GREB1L: variants seen among roughly 807,000 people sequenced by gnomAD.
The protein encoded by GREB1L is GREB1-like protein.
GREB1L carries 17 observed loss-of-function variants against 200.8 expected under a neutral mutation model. The ratio of observed to expected loss-of-function variants is 0.08; its 90% CI spans 0.06 to 0.13. The LOEUF is 0.13. Ranked by LOEUF, GREB1L falls within the 10% of genes least tolerant of loss-of-function variation. The pLI is 1.00. For synonymous variants in GREB1L, 789 were observed against 893.0 expected (o/e 0.88, Z 2.08); for missense variants, 1,657 against 2,367.7 (o/e 0.70, Z 6.23).
In GREB1L at chr18:21,496,575, G is replaced by C. The variant is rs755338286; in HGVS notation, c.3268G>C (p.Val1090Leu). ...AAAAGAGGTCATCCGGGGACCCACT[G>C]TTGCCCTGGACCTCAGCGGGAAGGA... ...VSKEVIRGPT[V>L]ALDLSGKEQE... is the part of the protein sequence containing the mutation. Residue 1090 changes from valine to leucine, a missense_variant, in exon 21 of 33, where the codon GTT becomes CTT. Physicochemically the swap from Val to Leu is conservative, Grantham distance 32 (BLOSUM62 1). Transcript: ENST00000424526. 5 of 1,551,768 alleles carry C rather than the reference G, an allele frequency of 3.2e-6. No homozygotes were observed. Among genetic ancestry groups the C allele is most frequent in the Admixed American group, 2.0e-5 (1 of 51,010 alleles).
intron 1 of GREB1L, among the ~76,000 whole-genome samples, chr18:21,355,197 T>C (rs2039486046): frequency 6.6e-6 from 1 of 151,472 alleles, no homozygotes; most frequent in Non-Finnish European, 1.5e-5. Flanking sequence ...TGTTAAATTT[T>C]TTTTTTTTTT....
chr18:21,496,426 C>CA lies in GREB1L; in HGVS notation c.3147-27dup, dbSNP rs779954842. On this transcript the variant is annotated intron_variant, in intron 20 of 32. Transcript: ENST00000424526. Reference sequence around the variant, plus strand: ...CACTGCGTGCCTGGCCAGATAGACTCACCAACAACACAATTACTTTTGTTC... The same window carrying CA: ...CACTGCGTGCCTGGCCAGATAGACTCAACCAACAACACAATTACTTTTGTTC... 62 of 1,550,820 alleles carry CA rather than the reference C, an allele frequency of 4.0e-5. No homozygotes were observed. In the South Asian group the frequency reaches 6.3e-4, roughly 16 times the overall value.
chr18:21,292,495 G>A (rs997377084), intron 1 of GREB1L, among the ~76,000 whole-genome samples: 1 of 152,086 alleles, frequency 6.6e-6, no homozygotes, highest in Non-Finnish European at 1.5e-5. Flanking sequence ...AAGAAACCCC[G>A]TACTCGTTAG....
Position 21,441,598 on chromosome 18 carries a change from T to C in GREB1L, c.1207+61T>C, listed in dbSNP as rs184551320. On this transcript the variant is annotated intron_variant, in intron 10 of 32. Coordinates refer to ENST00000424526, the MANE Select transcript of GREB1L (RefSeq NM_001142966.3). ...TGGAATCTAGGAGTGTTTTTCCATT[T>C]CATTGTGTTTTTTCATGTATTCATG... 4.3e-5 allele frequency: 62 copies of C among 1,435,756 alleles called. 1 individual carries two copies. In the East Asian group the frequency reaches 1.4e-3, roughly 33 times the overall value. 88.9% of individuals were successfully genotyped at this position (1,435,756 alleles called of 1,614,324 possible).
intron 1 of GREB1L, among the ~76,000 whole-genome samples, chr18:21,307,360 G>T (rs769150982): frequency 6.6e-6 from 1 of 152,182 alleles, no homozygotes; most frequent in Non-Finnish European, 1.5e-5. Context: ...TAGAATTAAG[G>T]TTCACTGTTT....
At position 21,498,476 on chromosome 18, in the gene GREB1L, G is replaced by T. The variant is rs183931554; in HGVS notation, c.3392-1253G>T. ...TGAAGGATAGTAAAGGTTCACAGAAGGGGGGTGGGGGATAACACCTGGAAG... is the reference window on the plus strand; with the variant it reads ...TGAAGGATAGTAAAGGTTCACAGAATGGGGGTGGGGGATAACACCTGGAAG... On this transcript the variant is annotated intron_variant, in intron 21 of 32. Transcript: ENST00000424526. Among the ~76,000 whole-genome samples, 10 of 152,316 alleles carry T rather than the reference G, an allele frequency of 6.6e-5. No homozygotes were observed. The East Asian group carries it at 1.9e-3, about 29-fold the overall frequency.
chr18:21,433,883 T>C (rs899484699), intron 7 of GREB1L, among the ~76,000 whole-genome samples: 1 of 152,124 alleles, frequency 6.6e-6, no homozygotes, highest in African/African-American at 2.4e-5. Context: ...AGTCAGGGAT[T>C]TGGGGTCTCT....
intron 6 of GREB1L, chr18:21,401,784 C>G (rs1053014280): frequency 1.3e-5 from 2 of 152,316 alleles, no homozygotes; most frequent in African/African-American, 4.8e-5. Flanking sequence ...ATTAAGTTGT[C>G]CAAGTGTTAT....
intron 1 of GREB1L, among the ~76,000 whole-genome samples, chr18:21,339,332 G>A (rs908688843): frequency 6.6e-6 from 1 of 152,200 alleles, no homozygotes; most frequent in African/African-American, 2.4e-5. Context: ...GTTTTAGGCT[G>A]TCAGTCTGAC....
chr18:21,324,201 T>G (rs1415317944), intron 1 of GREB1L, among the ~76,000 whole-genome samples: 1 of 152,210 alleles, frequency 6.6e-6, no homozygotes, highest in South Asian at 2.1e-4. Flanking sequence ...ACTAATAATA[T>G]TTAATAAAAT....
intron 1 of GREB1L, among the ~76,000 whole-genome samples, chr18:21,314,854 T>A (rs2038843714): frequency 6.6e-6 from 1 of 152,166 alleles, no homozygotes; most frequent in Non-Finnish European, 1.5e-5. Context: ...GAGAGCATGG[T>A]TTACCCATCC....
chr18:21,403,356 T>C, intron 6 of GREB1L, among the ~76,000 whole-genome samples: 1 of 152,202 alleles, frequency 6.6e-6, no homozygotes, highest in Middle Eastern at 3.2e-3. Flanking sequence ...CTGAGAATAA[T>C]ATTAATTTGA....
Position 21,490,349 on chromosome 18 carries a change from A to G in GREB1L, c.3028A>G (p.Lys1010Glu), listed in dbSNP as rs1031529299. Residue 1010 changes from lysine (K) to glutamate (E), a missense_variant and splice_region_variant, in exon 19 of 33, where the codon AAG becomes GAG. Physicochemically the swap from Lys to Glu is moderately conservative, Grantham distance 56. Around this residue, in one of 9 missense-constraint regions of GREB1L, gnomAD observed 512 missense variants for 668.3 expected, o/e 0.77. Coordinates refer to ENST00000424526, the MANE Select transcript of GREB1L (RefSeq NM_001142966.3). ...SVATHFVARL[K>E]SWRGNEPEEW... ...TGCAACTCACTTTGTGGCGCGATTA[A>G]AGGTTAGCAATGGACAGACATTTCT... 1.3e-6 allele frequency: 2 copies of G among 1,549,192 alleles called. No homozygotes were observed. Among genetic ancestry groups the G allele is most frequent in the African/African-American group, 2.7e-5 (2 of 72,994 alleles).
intron 1 of GREB1L, among the ~76,000 whole-genome samples, chr18:21,302,846 C>T (rs1369177630): frequency 2.6e-5 from 4 of 152,118 alleles, no homozygotes; most frequent in Non-Finnish European, 2.9e-5. Context: ...CTCAGCCTCA[C>T]GAGTAGCTGG....
Position 21,524,181 on chromosome 18 carries a change from CCTGAAACTA to C in GREB1L, c.*1365_*1373del, listed in dbSNP as rs2037647494. The C allele has an allele frequency of 6.6e-6, 1 of 152,100 alleles. No homozygotes were observed. The highest frequency in any genetic ancestry group is 1.5e-5 in the Non-Finnish European group (1 of 68,008). The allele number at this position is 152,100 out of a possible 1,614,324, so 9.4% of individuals were successfully genotyped here. Reference sequence around the variant, plus strand: ...TTACTTGAATCAATCTTGTTTGTGACCTGAAACTACTGAGGGGCCTACTAAGCCTGCATT... The same window carrying C: ...TTACTTGAATCAATCTTGTTTGTGACCTGAGGGGCCTACTAAGCCTGCATT... On this transcript the variant is annotated 3_prime_UTR_variant, in exon 33 of 33. Transcript: ENST00000424526.
intron 15 of GREB1L, among the ~76,000 whole-genome samples, chr18:21,455,713 C>A (rs377585379): frequency 1.3e-5 from 2 of 151,014 alleles, no homozygotes; most frequent in African/African-American, 4.9e-5. Context: ...ATTTTACTTT[C>A]AATATATTTA....
Position 21,500,522 on chromosome 18 carries a change from T to C in GREB1L, c.3970-18T>C. ...TTTCCCGCCTCCACTCCTCCCCAATTAAAAATCTTTCCATTAGGTGGGAAA... is the reference window on the plus strand; with the variant it reads ...TTTCCCGCCTCCACTCCTCCCCAATCAAAAATCTTTCCATTAGGTGGGAAA... On this transcript the variant is annotated intron_variant, in intron 22 of 32. Coordinates refer to ENST00000424526, the MANE Select transcript of GREB1L (RefSeq NM_001142966.3). 6.6e-7 allele frequency: 1 copy of C among 1,512,514 alleles called. No homozygotes were observed. Among genetic ancestry groups the C allele is most frequent in the African/African-American group, 1.4e-5 (1 of 72,264 alleles). 93.7% of individuals were successfully genotyped at this position (1,512,514 alleles called of 1,614,324 possible).
At chr18:21,360,952 T>A in intron 1 of GREB1L, among the ~76,000 whole-genome samples, 1 of 152,368 alleles carries the variant, frequency 6.6e-6, no homozygotes, top group South Asian at 2.1e-4. Flanking sequence ...GTGTATGTGA[T>A]GACAGTTACA....
chr18:21,367,558 GTAT>G (rs1318685534), intron 2 of GREB1L, among the ~76,000 whole-genome samples: 3 of 152,072 alleles, frequency 2.0e-5, no homozygotes, highest in Admixed American at 6.6e-5. Flanking sequence ...TGCAAACAAG[GTAT>G]TATTATTAAA....
Sources: allele counts gnomAD v4.1 joint callset (sites outside exome capture counted in the v4.1 genomes callset), GRCh38; gene constraint gnomAD v4.1.1; regional missense constraint gnomAD v4.1.1; transcripts MANE v1.5; gene names NCBI Gene and HGNC (gene_info 2026-07-23, HGNC 2026-07-21).